The following SV2C variants were observed in gnomAD, a reference collection of about 807,000 sequenced individuals.
The protein encoded by SV2C is solute carrier family 22 member B3.
SV2C carries 49 observed loss-of-function variants against 79.7 expected under a neutral mutation model. The ratio of observed to expected loss-of-function variants is 0.61; its 90% CI spans 0.49 to 0.78. The LOEUF (loss-of-function observed/expected upper bound fraction) is 0.78. SV2C is among the 30% of genes least tolerant of loss of function. The pLI is 0.00. For missense variants in SV2C, 833 were observed against 912.9 expected (o/e 0.91, Z 1.13); for synonymous variants, 334 against 333.2 (o/e 1.00, Z -0.03).
intron 1 of SV2C, among the ~76,000 whole-genome samples, chr5:76,125,994 C>G (rs1580286700): frequency 1.3e-5 from 2 of 152,142 alleles, no homozygotes; most frequent in Non-Finnish European, 2.9e-5. Context: ...GAAGCTGAGG[C>G]TGCAGTGAGT....
At chr5:76,026,393 T>C in the SV2C span, among the ~76,000 whole-genome samples, 1 of 152,190 alleles carries the variant, frequency 6.6e-6, no homozygotes, top group Non-Finnish European at 1.5e-5. Flanking sequence ...CAAATAATTA[T>C]GGAAGATCTA....
chr5:76,139,072 T>C (rs187084015), intron 2 of SV2C, among the ~76,000 whole-genome samples: 3 of 152,060 alleles, frequency 2.0e-5, no homozygotes, highest in Admixed American at 2.0e-4. Context: ...TGAGCTGAGA[T>C]TGTGCCACTG....
intron 4 of SV2C, among the ~76,000 whole-genome samples, chr5:76,270,966 A>AC (rs1694483825): frequency 6.6e-6 from 1 of 151,932 alleles, no homozygotes; most frequent in African/African-American, 2.4e-5. Flanking sequence ...ACGGGGTTTC[A>AC]CCATGTTGGC....
chr5:75,855,546 G>A, the SV2C span, among the ~76,000 whole-genome samples: 2 of 151,918 alleles, frequency 1.3e-5, no homozygotes, highest in Non-Finnish European at 2.9e-5. Context: ...AACAGCATGT[G>A]CTCACTTAGT....
chr5:76,224,413 G>T (rs1745180709), intron 4 of SV2C, among the ~76,000 whole-genome samples: 1 of 151,994 alleles, frequency 6.6e-6, no homozygotes, highest in South Asian at 2.1e-4. Flanking sequence ...ACCCTTGCTG[G>T]GCTGAATTTA....
chr5:75,913,456 T>C, the SV2C span, among the ~76,000 whole-genome samples: 1 of 152,148 alleles, frequency 6.6e-6, no homozygotes, highest in Non-Finnish European at 1.5e-5. Context: ...GTCCAGGTGC[T>C]GGAAAGCGGG....
the SV2C span, among the ~76,000 whole-genome samples, chr5:75,896,398 A>C: frequency 6.6e-6 from 1 of 151,414 alleles, no homozygotes; most frequent in African/African-American, 2.4e-5. Flanking sequence ...TGAACTCATC[A>C]TTTTTTATGG....
At position 76,288,427 on chromosome 5, in the gene SV2C, G is replaced by A. The variant is rs538292960; in HGVS notation, c.1137+2557G>A. On this transcript the variant is annotated intron_variant, in intron 6 of 12. Transcript: ENST00000502798. ...AATGGATATCCTCAATTAAGGCCTG[G>A]AAGCTTTTGAGGACTCTCTTCTTTT... is the stretch of plus-strand genomic sequence containing the variant. 1.5e-4 allele frequency among the ~76,000 whole-genome samples: 23 copies of A among 152,296 alleles called. 1 individual carries two copies. Among genetic ancestry groups the A allele is most frequent in the Admixed American group, 1.4e-3 (22 of 15,298 alleles).
the SV2C span, among the ~76,000 whole-genome samples, chr5:75,989,451 A>G: frequency 2.1e-3 from 324 of 152,148 alleles, 1 homozygote; most frequent in African/African-American, 7.4e-3. Flanking sequence ...TGTCCCTGCA[A>G]AGGATGTGGT....
At chr5:76,180,831 CCTT>C (rs752015743) in intron 2 of SV2C, among the ~76,000 whole-genome samples, 2 of 152,150 alleles carry the variant, frequency 1.3e-5, no homozygotes, top group African/African-American at 4.8e-5. Context: ...CTATCCAGAC[CCTT>C]CTTCTTATTT....
chr5:76,160,283 AAAG>A (rs1401542686), intron 2 of SV2C, among the ~76,000 whole-genome samples: 27 of 152,304 alleles, frequency 1.8e-4, no homozygotes, highest in African/African-American at 5.3e-4. Context: ...CAATCTCAAA[AAAG>A]AAGGACAAAC....
At chr5:75,944,179 G>T in the SV2C span, among the ~76,000 whole-genome samples, 1 of 152,042 alleles carries the variant, frequency 6.6e-6, no homozygotes, top group Non-Finnish European at 1.5e-5. Flanking sequence ...CACCATGCCT[G>T]CTCAAGAGAA....
At chr5:75,877,259 T>C in the SV2C span, among the ~76,000 whole-genome samples, 1 of 152,052 alleles carries the variant, frequency 6.6e-6, no homozygotes, top group Non-Finnish European at 1.5e-5. Flanking sequence ...TATAAACATG[T>C]ATGCACCTAG....
intron 1 of SV2C, among the ~76,000 whole-genome samples, chr5:76,114,478 A>T (rs1223146467): frequency 6.6e-6 from 1 of 152,216 alleles, no homozygotes; most frequent in Admixed American, 6.5e-5. Context: ...GTTGACATCT[A>T]TGAGAGTTTC....
In SV2C at chr5:76,132,777, T is replaced by C. The variant is rs1053705265; in HGVS notation, c.580+447T>C. Reference sequence around the variant, plus strand: ...TTGTGATTTCAAATGTCAATTTTTATGTGTAATACAGTAGTTTAAATATTT... The same window carrying C: ...TTGTGATTTCAAATGTCAATTTTTACGTGTAATACAGTAGTTTAAATATTT... On this transcript the variant is annotated intron_variant, in intron 2 of 12. Coordinates refer to ENST00000502798, the MANE Select transcript of SV2C (RefSeq NM_014979.4). 7.2e-5 allele frequency among the ~76,000 whole-genome samples: 11 copies of C among 152,300 alleles called. No individual in the cohort carries two copies. The East Asian group carries it at 2.1e-3, about 29-fold the overall frequency.
the SV2C span, among the ~76,000 whole-genome samples, chr5:75,926,818 C>T: frequency 1.3e-5 from 2 of 152,124 alleles, no homozygotes; most frequent in Non-Finnish European, 2.9e-5. Context: ...AATATATTAA[C>T]CATTTGAAAA....
chr5:76,294,621 A>C (rs1489643739), intron 8 of SV2C, among the ~76,000 whole-genome samples: 1 of 152,214 alleles, frequency 6.6e-6, no homozygotes, highest in Non-Finnish European at 1.5e-5. Flanking sequence ...TATAAAAATT[A>C]TTAGCAACAA....
At chr5:76,199,110 C>T (rs967786011) in intron 3 of SV2C, among the ~76,000 whole-genome samples, 1 of 152,180 alleles carries the variant, frequency 6.6e-6, no homozygotes, top group African/African-American at 2.4e-5. Context: ...TACTTATTAA[C>T]TCAGTACAGA....
chr5:76,110,827 T>G (rs1306035504), intron 1 of SV2C, among the ~76,000 whole-genome samples: 1 of 152,140 alleles, frequency 6.6e-6, no homozygotes, highest in Non-Finnish European at 1.5e-5. Context: ...GCCACAGTGG[T>G]GCAAAGAACA....
Sources: allele counts gnomAD v4.1 joint callset (sites outside exome capture counted in the v4.1 genomes callset), GRCh38; gene constraint gnomAD v4.1.1; transcripts MANE v1.5; gene names NCBI Gene and HGNC (gene_info 2026-07-23, HGNC 2026-07-21).